Variants in HS3ST2 observed in about 807,000 individuals in gnomAD.
HS3ST2 encodes the protein heparan sulfate-glucosamine 3-sulfotransferase 2.
In HS3ST2, 17 loss-of-function variants were observed where a neutral mutation model predicts 26.3. The observed-to-expected ratio is 0.65, with a 90% CI of 0.44 to 0.97. HS3ST2 has a LOEUF of 0.97. HS3ST2 is among the 50% of genes least tolerant of loss of function. The pLI is 0.00. For missense variants in HS3ST2, 402 were observed against 501.2 expected (o/e 0.80, Z 1.89); for synonymous variants, 237 against 219.2 (o/e 1.08, Z -0.72).
At chr16:22,867,425 G>A (rs1242591768) in intron 1 of HS3ST2, among the ~76,000 whole-genome samples, 1 of 152,078 alleles carries the variant, frequency 6.6e-6, no homozygotes, top group Non-Finnish European at 1.5e-5. Context: ...AATCACAAAG[G>A]CAAAGCAGCC....
chr16:22,850,590 C>G (rs1901504107), intron 1 of HS3ST2, among the ~76,000 whole-genome samples: 2 of 152,140 alleles, frequency 1.3e-5, no homozygotes, highest in Non-Finnish European at 2.9e-5. Flanking sequence ...AGTTCGCGAT[C>G]AGCCTGGCCA....
rs1160332625 is a variant in HS3ST2, at chr16:22,915,740, C to A, written c.*178C>A. ...AAGCCAAGAGACCAGAGAGTCCCTGCCACTAGTTTTCATCAGTCTGTTCAA... is the reference window on the plus strand; with the variant it reads ...AAGCCAAGAGACCAGAGAGTCCCTGACACTAGTTTTCATCAGTCTGTTCAA... On this transcript the variant is annotated 3_prime_UTR_variant, in exon 2 of 2. Transcript: ENST00000261374. 6.0e-5 allele frequency: 39 copies of A among 654,604 alleles called. No homozygotes were observed. The highest frequency in any genetic ancestry group is 9.2e-5 in the Non-Finnish European group (35 of 380,154). The allele number at this position is 654,604 out of a possible 1,614,324, so 40.5% of individuals were successfully genotyped here.
At chr16:22,815,168 T>C in intron 1 of HS3ST2, 73 bp downstream of exon 1, 1 of 1,566,658 alleles carries the variant, frequency 6.4e-7, no homozygotes, top group Non-Finnish European at 8.6e-7. Flanking sequence ...CCGTCTCTTG[T>C]GTTTTCTCTT....
At chr16:22,895,654 T>C (rs1902200858) in intron 1 of HS3ST2, among the ~76,000 whole-genome samples, 1 of 152,180 alleles carries the variant, frequency 6.6e-6, no homozygotes, top group South Asian at 2.1e-4. Context: ...CAATTTTTAA[T>C]ATTAATACAA....
intron 1 of HS3ST2, among the ~76,000 whole-genome samples, chr16:22,867,777 G>A (rs1596619778): frequency 6.6e-6 from 1 of 152,324 alleles, no homozygotes; most frequent in South Asian, 2.1e-4. Flanking sequence ...AAAAGCTTTA[G>A]ACTCAATCAC....
At chr16:22,876,717 A>T (rs904394184) in intron 1 of HS3ST2, among the ~76,000 whole-genome samples, 1 of 152,204 alleles carries the variant, frequency 6.6e-6, no homozygotes, top group Non-Finnish European at 1.5e-5. Flanking sequence ...TTGAAAAAAT[A>T]TGGATCCAGC....
chr16:22,863,959 A>C (rs1901714006), intron 1 of HS3ST2, among the ~76,000 whole-genome samples: 1 of 152,234 alleles, frequency 6.6e-6, no homozygotes, highest in African/African-American at 2.4e-5. Flanking sequence ...AGTGACAGAA[A>C]ACCTCAAATG....
chr16:22,844,403 TC>T (rs1018097246), intron 1 of HS3ST2, among the ~76,000 whole-genome samples: 4 of 152,104 alleles, frequency 2.6e-5, no homozygotes. Flanking sequence ...TAGTATTCCT[TC>T]CCCAGGGTGG....
intron 1 of HS3ST2, among the ~76,000 whole-genome samples, chr16:22,858,469 A>G (rs1901631405): frequency 6.6e-6 from 1 of 151,990 alleles, no homozygotes; most frequent in Admixed American, 6.6e-5. Flanking sequence ...AAGATGTTTT[A>G]TGTTCCCAAA....
At chr16:22,896,705 T>G (rs936839338) in intron 1 of HS3ST2, among the ~76,000 whole-genome samples, 3 of 152,242 alleles carry the variant, frequency 2.0e-5, no homozygotes, top group African/African-American at 7.2e-5. Context: ...CTAGCTTACT[T>G]CACCCATACC....
At chr16:22,910,598 T>A (rs1420090441) in intron 1 of HS3ST2, among the ~76,000 whole-genome samples, 1 of 152,226 alleles carries the variant, frequency 6.6e-6, no homozygotes, top group Non-Finnish European at 1.5e-5. Flanking sequence ...CTCAATTTTT[T>A]AAAAATTGTT....
chr16:22,907,985 A>G (rs1393079656), intron 1 of HS3ST2, among the ~76,000 whole-genome samples: 1 of 152,090 alleles, frequency 6.6e-6, no homozygotes. Flanking sequence ...TAAAAATACA[A>G]AAAATTAGCC....
chr16:22,905,356 G>A (rs1313572821), intron 1 of HS3ST2, among the ~76,000 whole-genome samples: 3 of 152,086 alleles, frequency 2.0e-5, no homozygotes, highest in Non-Finnish European at 4.4e-5. Context: ...AGCCCAGTGT[G>A]GGTCAAAAAT....
intron 1 of HS3ST2, among the ~76,000 whole-genome samples, chr16:22,908,056 G>A: frequency 6.6e-6 from 1 of 152,206 alleles, no homozygotes; most frequent in South Asian, 2.1e-4. Flanking sequence ...GAGCCTGGGA[G>A]GTCGAGGCTG....
chr16:22,871,215 G>T (rs762407562), intron 1 of HS3ST2, among the ~76,000 whole-genome samples: 3 of 152,076 alleles, frequency 2.0e-5, no homozygotes, highest in African/African-American at 7.2e-5. Flanking sequence ...AATTAGCTGG[G>T]CGTGATGGTG....
At chr16:22,832,171 A>ATTTTTTTT (rs1289839839) in intron 1 of HS3ST2, among the ~76,000 whole-genome samples, 21 of 112,180 alleles carry the variant, frequency 1.9e-4, no homozygotes, top group East Asian at 7.7e-4. Context: ...TTTTTTTTTA[A>ATTTTTTTT]TTTTTAGTGG....
intron 1 of HS3ST2, among the ~76,000 whole-genome samples, chr16:22,893,170 C>T (rs1045408762): frequency 6.6e-6 from 1 of 152,222 alleles, no homozygotes; most frequent in Non-Finnish European, 1.5e-5. Flanking sequence ...CTTCGCTATT[C>T]AGTACCTTGG....
At chr16:22,816,645 A>G (rs111789088) in intron 1 of HS3ST2, among the ~76,000 whole-genome samples, 3 of 152,200 alleles carry the variant, frequency 2.0e-5, no homozygotes, top group Admixed American at 2.0e-4. Flanking sequence ...GCCAATGCCA[A>G]TAGCCCACTG....
chr16:22,892,042 AG>A (rs1902136679), intron 1 of HS3ST2, among the ~76,000 whole-genome samples: 1 of 150,710 alleles, frequency 6.6e-6, no homozygotes, highest in Admixed American at 6.7e-5. Flanking sequence ...TGGGAGGCCG[AG>A]GCAGGTGGAT....
Sources: gnomAD v4.1 joint callset for allele counts (sites outside exome capture counted in the v4.1 genomes callset) on GRCh38, gnomAD v4.1.1 for gene constraint, MANE v1.5 for transcripts, NCBI Gene and HGNC (gene_info 2026-07-23, HGNC 2026-07-21) for gene names.